UNC5C: variants seen among roughly 807,000 people sequenced by gnomAD.
UNC5C encodes the protein netrin receptor UNC5C.
Under a neutral mutation model 99.8 loss-of-function variants are expected in UNC5C, and 47 were observed. The ratio of observed to expected loss-of-function variants is 0.47; its 90% confidence interval spans 0.37 to 0.60. The LOEUF (loss-of-function observed/expected upper bound fraction) is 0.60. Ranked by LOEUF, UNC5C falls within the 20% of genes least tolerant of loss-of-function variation. The pLI is 0.00. For missense variants in UNC5C, 1,062 were observed against 1,165.9 expected (o/e 0.91, Z 1.30); for synonymous variants, 487 against 452.2 (o/e 1.08, Z -0.98).
chr4:95,306,448 C>T (rs773125968), intron 2 of UNC5C, among the ~76,000 whole-genome samples: 2 of 152,044 alleles, frequency 1.3e-5, no homozygotes, highest in African/African-American at 2.4e-5. Flanking sequence ...GTGATCCACC[C>T]GCCTCGGCCT....
At chr4:95,196,489 ACTTTTGCTC>A in intron 12 of UNC5C, among the ~76,000 whole-genome samples, 1 of 151,938 alleles carries the variant, frequency 6.6e-6, no homozygotes, top group Admixed American at 6.6e-5. Context: ...ATCAGCCTTG[ACTTTTGCTC>A]TGGTAGTCAC....
chr4:95,477,323 G>T (rs529095176), intron 1 of UNC5C, among the ~76,000 whole-genome samples: 2 of 152,090 alleles, frequency 1.3e-5, no homozygotes, highest in South Asian at 4.1e-4. Context: ...TCACAAAATG[G>T]ATCAGAGGAA....
chr4:95,375,339 T>C (rs1744861842), intron 1 of UNC5C, among the ~76,000 whole-genome samples: 1 of 152,132 alleles, frequency 6.6e-6, no homozygotes, highest in African/African-American at 2.4e-5. Context: ...TTAAGATTCT[T>C]TCATGTCATA....
intron 1 of UNC5C, among the ~76,000 whole-genome samples, chr4:95,426,720 T>G (rs1746498820): frequency 6.6e-6 from 1 of 152,192 alleles, no homozygotes; most frequent in Admixed American, 6.5e-5. Context: ...ATCAAACCAG[T>G]CATAACATTC....
intron 10 of UNC5C, among the ~76,000 whole-genome samples, chr4:95,213,293 G>C (rs752748648): frequency 5.3e-5 from 8 of 152,198 alleles, no homozygotes; most frequent in Non-Finnish European, 7.3e-5. Context: ...TCTAGGTCGG[G>C]TTCATTTGTG....
chr4:95,376,575 A>C (rs1253604553), intron 1 of UNC5C, among the ~76,000 whole-genome samples: 1 of 152,200 alleles, frequency 6.6e-6, no homozygotes, highest in Non-Finnish European at 1.5e-5. Context: ...GAACCTCTTG[A>C]AATGTTCAAG....
At chr4:95,389,511 T>C (rs1436409143) in intron 1 of UNC5C, among the ~76,000 whole-genome samples, 1 of 152,198 alleles carries the variant, frequency 6.6e-6, no homozygotes, top group Non-Finnish European at 1.5e-5. Context: ...TATATGTGGC[T>C]ATCTAGCATT....
chr4:95,206,935 G>C (rs1737901716), intron 10 of UNC5C, 139 bp from the exon 11 acceptor site: 1 of 682,802 alleles, frequency 1.5e-6, no homozygotes, highest in African/African-American at 1.9e-5. Context: ...GGGTTGGGGA[G>C]AGGAAATAGG....
At chr4:95,528,357 C>A (rs944261856) in intron 1 of UNC5C, among the ~76,000 whole-genome samples, 27 of 152,230 alleles carry the variant, frequency 1.8e-4, no homozygotes, top group African/African-American at 6.3e-4. Flanking sequence ...GAGATTCATG[C>A]ACTGGGGTCT....
intron 1 of UNC5C, among the ~76,000 whole-genome samples, chr4:95,463,780 T>C (rs552705714): frequency 6.6e-6 from 1 of 152,320 alleles, no homozygotes; most frequent in South Asian, 2.1e-4. Flanking sequence ...ACTCCTTATT[T>C]TCAACCTACT....
chr4:95,471,212 A>G (rs1330558635), intron 1 of UNC5C, among the ~76,000 whole-genome samples: 1 of 152,108 alleles, frequency 6.6e-6, no homozygotes, highest in Non-Finnish European at 1.5e-5. Flanking sequence ...GGAAATGGTG[A>G]TTTTTGTTTG....
intron 1 of UNC5C, among the ~76,000 whole-genome samples, chr4:95,444,762 G>T (rs931536195): frequency 6.6e-6 from 1 of 152,266 alleles, no homozygotes; most frequent in Admixed American, 6.5e-5. Context: ...TTGACTCCCT[G>T]TATTCAGAGC....
intron 1 of UNC5C, among the ~76,000 whole-genome samples, chr4:95,444,679 G>C (rs901168693): frequency 6.6e-6 from 1 of 152,102 alleles, no homozygotes; most frequent in Non-Finnish European, 1.5e-5. Context: ...TGGCCAAGGG[G>C]ACAAAGTACC....
At chr4:95,176,243 C>T (rs568533226) in intron 14 of UNC5C, among the ~76,000 whole-genome samples, 55 of 152,338 alleles carry the variant, frequency 3.6e-4, no homozygotes, top group Middle Eastern at 3.4e-3. Flanking sequence ...TCTCTCAGCT[C>T]GTCAAGGTCA....
At chr4:95,339,237 C>G (rs1743464293) in intron 1 of UNC5C, among the ~76,000 whole-genome samples, 2 of 152,004 alleles carry the variant, frequency 1.3e-5, no homozygotes, top group South Asian at 4.1e-4. Context: ...AGGTGTGTGA[C>G]TTTATGTGTC....
intron 2 of UNC5C, among the ~76,000 whole-genome samples, chr4:95,329,757 C>T (rs1022514754): frequency 4.6e-5 from 7 of 152,142 alleles, no homozygotes; most frequent in African/African-American, 1.7e-4. Context: ...GTTTTTAAAT[C>T]TGTCTCTTGG....
chr4:95,248,297 T>C, intron 5 of UNC5C: 1 of 259,884 alleles, frequency 3.8e-6, no homozygotes, highest in South Asian at 3.7e-5. Context: ...TAATATAACT[T>C]TTACATGGCC....
intron 1 of UNC5C, among the ~76,000 whole-genome samples, chr4:95,391,485 A>T (rs1745357697): frequency 6.6e-6 from 1 of 152,206 alleles, no homozygotes; most frequent in Admixed American, 6.5e-5. Context: ...ATTATGCTGA[A>T]TAATTTTCAT....
chr4:95,373,446 C>T (rs910601782), intron 1 of UNC5C, among the ~76,000 whole-genome samples: 3 of 152,156 alleles, frequency 2.0e-5, no homozygotes, highest in African/African-American at 7.2e-5. Context: ...GGAGCACTCT[C>T]TACTGTTGCT....
Sources: allele counts gnomAD v4.1 joint callset (sites outside exome capture counted in the v4.1 genomes callset), GRCh38; gene constraint gnomAD v4.1.1; transcripts MANE v1.5; gene names NCBI Gene and HGNC (gene_info 2026-07-23, HGNC 2026-07-21).